Variants in SPMAP2L observed in about 807,000 individuals in gnomAD.
SPMAP2L encodes sperm microtubule associated protein 2 like, also known as sperm microtubule associated protein 2-like.
At chr4:56,557,904 T>G in the SPMAP2L span, 1 of 152,226 alleles carries the variant, frequency 6.6e-6, no homozygotes, top group Admixed American at 6.5e-5. Context: ...TATCTGTTTA[T>G]AATATGCTAC....
At chr4:56,610,633 A>C in the SPMAP2L span, among the ~76,000 whole-genome samples, 1 of 152,262 alleles carries the variant, frequency 6.6e-6, no homozygotes, top group Non-Finnish European at 1.5e-5. Context: ...GCTTCTGTAC[A>C]GCAAAAAGAA....
chr4:56,593,240 T>A, the SPMAP2L span: 22 of 1,279,310 alleles, frequency 1.7e-5, no homozygotes, highest in Non-Finnish European at 2.5e-5. Context: ...GGCCAGTGCA[T>A]CCCTGCTGGA....
the SPMAP2L span, among the ~76,000 whole-genome samples, chr4:56,553,786 G>A: frequency 6.6e-6 from 1 of 152,066 alleles, no homozygotes; most frequent in Non-Finnish European, 1.5e-5. Flanking sequence ...GTATCATACA[G>A]GACAGTTTCA....
At chr4:56,585,220 CAT>C in the SPMAP2L span, among the ~76,000 whole-genome samples, 376 of 152,330 alleles carry the variant, frequency 2.5e-3, 1 homozygote, top group Non-Finnish European at 4.4e-3. Context: ...TTCACCCACT[CAT>C]AAAATTAGAT....
At chr4:56,557,200 G>A in the SPMAP2L span, among the ~76,000 whole-genome samples, 7 of 151,124 alleles carry the variant, frequency 4.6e-5, no homozygotes, top group African/African-American at 1.7e-4. Context: ...AGTGAGCTGA[G>A]ATCATGCCAC....
chr4:56,595,855 C>A, the SPMAP2L span, among the ~76,000 whole-genome samples: 1 of 152,122 alleles, frequency 6.6e-6, no homozygotes, highest in Non-Finnish European at 1.5e-5. Flanking sequence ...TAATCTCTGT[C>A]GAGGTAAATG....
the SPMAP2L span, among the ~76,000 whole-genome samples, chr4:56,540,853 G>A: frequency 6.6e-6 from 1 of 152,160 alleles, no homozygotes; most frequent in South Asian, 2.1e-4. Flanking sequence ...CAGCCAATGA[G>A]GATGGATTGG....
chr4:56,587,307 A>G, the SPMAP2L span, among the ~76,000 whole-genome samples: 26 of 151,698 alleles, frequency 1.7e-4, 2 homozygotes, highest in South Asian at 5.2e-3. Context: ...TCTTCATTCA[A>G]CTTTTTTCTT....
At chr4:56,539,693 G>A in the SPMAP2L span, among the ~76,000 whole-genome samples, 2 of 152,082 alleles carry the variant, frequency 1.3e-5, no homozygotes, top group Non-Finnish European at 1.5e-5. Flanking sequence ...AAGTGCTGAC[G>A]TTACAGGTGT....
At chr4:56,555,274 C>T in the SPMAP2L span, among the ~76,000 whole-genome samples, 1 of 152,060 alleles carries the variant, frequency 6.6e-6, no homozygotes, top group Admixed American at 6.6e-5. Flanking sequence ...GCCTTCAATA[C>T]TTTGGCTATA....
At chr4:56,559,355 T>TA in the SPMAP2L span, 2 of 1,262,088 alleles carry the variant, frequency 1.6e-6, no homozygotes, top group South Asian at 3.2e-5. Context: ...TAGCAATCAA[T>TA]TTTTTTTTAC....
chr4:56,564,080 AGT>A, the SPMAP2L span, among the ~76,000 whole-genome samples: 5 of 151,910 alleles, frequency 3.3e-5, no homozygotes, highest in African/African-American at 1.2e-4. Flanking sequence ...CAGCATTGGC[AGT>A]GTGTGTCTTT....
the SPMAP2L span, among the ~76,000 whole-genome samples, chr4:56,619,539 T>G: frequency 6.6e-6 from 1 of 152,222 alleles, no homozygotes; most frequent in Non-Finnish European, 1.5e-5. Flanking sequence ...GTCCTTAAGC[T>G]TAGTCCATAT....
the SPMAP2L span, among the ~76,000 whole-genome samples, chr4:56,625,790 A>G: frequency 6.6e-6 from 1 of 152,320 alleles, no homozygotes; most frequent in Admixed American, 6.5e-5. Flanking sequence ...AGCAGCATGA[A>G]AACGGACTAA....
the SPMAP2L span, among the ~76,000 whole-genome samples, chr4:56,623,715 C>G: frequency 1.3e-5 from 2 of 152,134 alleles, no homozygotes; most frequent in Non-Finnish European, 2.9e-5. Flanking sequence ...ACTTTTCCTT[C>G]CTCCTCATTT....
the SPMAP2L span, chr4:56,552,688 A>G: frequency 1.2e-6 from 1 of 818,452 alleles, no homozygotes; most frequent in South Asian, 1.5e-5. Context: ...TTATTTATCC[A>G]TCCACCTCTA....
At chr4:56,546,647 CTT>C in the SPMAP2L span, among the ~76,000 whole-genome samples, 9 of 152,180 alleles carry the variant, frequency 5.9e-5, no homozygotes, top group Admixed American at 5.9e-4. Flanking sequence ...AGAGTGAAAA[CTT>C]TACCTATAGG....
chr4:56,571,899 A>G, the SPMAP2L span, among the ~76,000 whole-genome samples: 6 of 152,092 alleles, frequency 3.9e-5, no homozygotes, highest in Non-Finnish European at 8.8e-5. Context: ...AGGATCATTC[A>G]TATCACTATC....
At chr4:56,587,376 G>A in the SPMAP2L span, among the ~76,000 whole-genome samples, 1 of 152,022 alleles carries the variant, frequency 6.6e-6, no homozygotes, top group South Asian at 2.1e-4. Flanking sequence ...ACATGAGTAA[G>A]TTCTTCAGTG....
Sources: allele counts gnomAD v4.1 joint callset (sites outside exome capture counted in the v4.1 genomes callset), GRCh38; gene constraint gnomAD v4.1.1; transcripts MANE v1.5; gene names NCBI Gene and HGNC (gene_info 2026-07-23, HGNC 2026-07-21).